The following CC2D1A variants were observed in gnomAD, a reference collection of about 807,000 sequenced individuals.
CC2D1A encodes the protein coiled-coil and C2 domain-containing protein 1A.
CC2D1A carries 68 observed loss-of-function variants against 123.8 expected under a neutral mutation model. The observed-to-expected ratio is 0.55, with a 90% CI of 0.45 to 0.67. CC2D1A has a LOEUF of 0.67. Among genes scored for constraint, CC2D1A ranks in the 30% least tolerant of loss-of-function variants. The probability of loss-of-function intolerance (pLI) is 0.00; values close to 1 mark genes in which losing one functional copy is unlikely to be tolerated. For missense variants in CC2D1A, 1,185 were observed against 1,290.3 expected, an observed-to-expected ratio of 0.92 and a Z score of 1.25; for synonymous variants, 477 against 528.0, an observed-to-expected ratio of 0.90 and a Z score of 1.32.
chr19:13,930,712 C>G lies in CC2D1A; in HGVS notation c.*317C>G, dbSNP rs1446254752. The G allele has an allele frequency of 4.3e-6, 2 of 469,206 alleles. No individual in the cohort carries two copies. The highest frequency in any genetic ancestry group is 4.0e-5 in the South Asian group (1 of 25,132). The allele number at this position is 469,206 out of a possible 1,614,324, so 29.1% of individuals were successfully genotyped here. On this transcript the variant is annotated 3_prime_UTR_variant, in exon 29 of 29. Coordinates refer to ENST00000318003, the MANE Select transcript of CC2D1A (RefSeq NM_017721.5). The surrounding 1 kb of genome is among the most constrained non-coding windows in gnomAD (Gnocchi z 6.8). ...TGGGGCCAAGCCCCGAGGGCCCCTG[C>G]AAGCACTTTACTTCCTGTTCCTCCC...
Position 13,923,306 on chromosome 19 carries a change from C to G in CC2D1A, c.1642-27C>G. The G allele has an allele frequency of 6.3e-7, 1 of 1,590,710 alleles. No individual in the cohort carries two copies. The highest frequency in any genetic ancestry group is 8.5e-7 in the Non-Finnish European group (1 of 1,174,270). ...AGGTGGGCCTGCTTGTCCTCCTTAC[C>G]CCCGCCACCAGCCTCGTCCTCCCCA... is the stretch of plus-strand genomic sequence containing the variant. On this transcript the variant is annotated intron_variant, in intron 14 of 28. Transcript: ENST00000318003. The surrounding 1 kb of genome is among the most constrained non-coding windows in gnomAD (Gnocchi z 5.3).
chr19:13,912,434 T>TGGAG lies in CC2D1A; in HGVS notation c.309_310insGAGG (p.Leu104GlufsTer7). Reference sequence around the variant, plus strand: ...GACGACTTGGAGGCTGATGATGACCTGCTGGTGAGCACTGAGGGCGGGGTG... The same window carrying TGGAG: ...GACGACTTGGAGGCTGATGATGACCTGGAGGCTGGTGAGCACTGAGGGCGGGGTG... On this transcript the variant is annotated frameshift_variant, in exon 3 of 29. Coordinates refer to ENST00000318003, the MANE Select transcript of CC2D1A (RefSeq NM_017721.5). LOFTEE classifies it high-confidence loss of function. 6.2e-7 allele frequency: 1 copy of TGGAG among 1,613,862 alleles called. No homozygotes were observed.
rs1297118576 is a variant in CC2D1A at position 13,925,989 on chromosome 19, C to T, written c.1941-528C>T. Among the ~76,000 whole-genome samples the T allele has an allele frequency of 2.0e-3, 114 of 57,186 alleles. 1 individual carries two copies. The highest frequency in any genetic ancestry group is 8.1e-3 in the African/African-American group (83 of 10,238). The allele number at this position is 57,186 out of a possible 152,430, so 37.5% of individuals were successfully genotyped here. ...GTATATATATGTGTATATATATATA[C>T]ATATATGTGTGTATATATATATATA... is the stretch of plus-strand genomic sequence containing the variant. On this transcript the variant is annotated intron_variant, in intron 17 of 28. Transcript: ENST00000318003.
intron 1 of CC2D1A, among the ~76,000 whole-genome samples, chr19:13,907,177 C>T (rs1294026607): frequency 2.0e-5 from 3 of 152,000 alleles, no homozygotes; most frequent in South Asian, 2.1e-4. Flanking sequence ...GAGATGGAGG[C>T]GGAGGCAGAG....
At chr19:13,921,370 T>G (rs913360037) in intron 14 of CC2D1A, among the ~76,000 whole-genome samples, 1 of 151,676 alleles carries the variant, frequency 6.6e-6, no homozygotes, top group African/African-American at 2.4e-5. Context: ...GTGCACTGTG[T>G]GACCAGCCTG....
intron 2 of CC2D1A, among the ~76,000 whole-genome samples, chr19:13,911,841 G>A (rs1018235464): frequency 2.0e-5 from 3 of 150,038 alleles, no homozygotes; most frequent in Non-Finnish European, 3.0e-5. Context: ...TCAGGCTCCC[G>A]AGTAGCTGGG....
At chr19:13,910,397 G>C (rs547502104) in intron 2 of CC2D1A, among the ~76,000 whole-genome samples, 111 of 121,658 alleles carry the variant, frequency 9.1e-4, no homozygotes, top group African/African-American at 3.5e-3. Flanking sequence ...GACAGAGCAA[G>C]ACTCCGTCTC....
intron 2 of CC2D1A, 139 bp downstream of exon 2, chr19:13,910,097 A>T: frequency 1.2e-6 from 1 of 815,396 alleles, no homozygotes; most frequent in Non-Finnish European, 1.7e-6. Flanking sequence ...TCTGGGTAAG[A>T]GAGTCAAGAT....
At chr19:13,918,407 T>C (rs1971280166) in intron 7 of CC2D1A, 97 bp from the exon 8 acceptor site, 5 of 1,257,694 alleles carry the variant, frequency 4.0e-6, no homozygotes, top group Non-Finnish European at 5.5e-6. Flanking sequence ...GGGAGGGAGC[T>C]AGAAGTCCTC....
At chr19:13,926,067 C>CGTATATATATGTATAT (rs1568419142) in intron 17 of CC2D1A, among the ~76,000 whole-genome samples, 1 of 71,570 alleles carries the variant, frequency 1.4e-5, no homozygotes, top group African/African-American at 1.6e-4. Flanking sequence ...TGTATATATA[C>CGTATATATATGTATAT]ACACACACAC....
At position 13,926,814 on chromosome 19, in the gene CC2D1A, G is replaced by A; in HGVS notation, c.2074-7G>A. The A allele has an allele frequency of 6.2e-7, 1 of 1,614,030 alleles. No homozygotes were observed. Among genetic ancestry groups the A allele is most frequent in the Non-Finnish European group, 8.5e-7 (1 of 1,180,008 alleles). On this transcript the variant is annotated splice_polypyrimidine_tract_variant and splice_region_variant and intron_variant, in intron 19 of 28. Coordinates refer to ENST00000318003, the MANE Select transcript of CC2D1A (RefSeq NM_017721.5). ...CCCTAGATTTCCTGCCTCCTCTCTG[G>A]TCATAGGAAGAAGCTCAGAAAGACA...
Position 13,930,454 on chromosome 19 carries a change from A to G in CC2D1A, c.*59A>G, listed in dbSNP as rs1421501432. The stretch of plus-strand genomic sequence containing the variant: ...GGCAGCAGGCCCCGATACCGGGAAG[A>G]GCCGACACAGCCACGAACCAGACAA... On this transcript the variant is annotated 3_prime_UTR_variant, in exon 29 of 29. Coordinates refer to ENST00000318003, the MANE Select transcript of CC2D1A (RefSeq NM_017721.5). The surrounding 1 kb of genome is among the most constrained non-coding windows in gnomAD (Gnocchi z 6.8). 2.0e-6 allele frequency: 3 copies of G among 1,511,648 alleles called. No homozygotes were observed. Among genetic ancestry groups the G allele is most frequent in the Admixed American group, 2.2e-5 (1 of 46,218 alleles). The allele number at this position is 1,511,648 out of a possible 1,614,324, so 93.6% of individuals were successfully genotyped here.
chr19:13,923,439 T>C lies in CC2D1A; in HGVS notation c.1748T>C (p.Ile583Thr), dbSNP rs374138048. The change falls in exon 15 of 29, where the codon ATA (isoleucine) becomes ACA (threonine). Residue 583 changes from isoleucine (I) to threonine (T), a missense_variant. Ile to Thr is a moderately conservative substitution (Grantham distance 89). Coordinates refer to ENST00000318003, the MANE Select transcript of CC2D1A (RefSeq NM_017721.5). The surrounding 1 kb of genome is among the most constrained non-coding windows in gnomAD (Gnocchi z 5.3). ...CGCTATGGTGAACTCACCAAGCTCATACGGCAGCAGCACGAGGTGAGGGGG... is the reference window on the plus strand; with the variant it reads ...CGCTATGGTGAACTCACCAAGCTCACACGGCAGCAGCACGAGGTGAGGGGG... ...ARRYGELTKL[I>T]RQQHEMCLNH... 57 of 1,613,946 alleles carry C rather than the reference T, an allele frequency of 3.5e-5. No homozygotes were observed. Among genetic ancestry groups the C allele is most frequent in the Non-Finnish European group, 4.6e-5 (54 of 1,180,014 alleles).
chr19:13,909,575 A>C (rs1024182508), intron 1 of CC2D1A: 2 of 555,032 alleles, frequency 3.6e-6, no homozygotes, highest in Non-Finnish European at 6.8e-6. Context: ...GCAGCACATC[A>C]TAAGTGTGGA....
chr19:13,928,283 T>TC (rs1188165859), intron 24 of CC2D1A, 95 bp downstream of exon 24: 1 of 1,063,716 alleles, frequency 9.4e-7, no homozygotes, highest in Non-Finnish European at 1.4e-6. Flanking sequence ...TTGGACCACG[T>TC]CCCTCTCCTG....
chr19:13,930,498 A>T lies in CC2D1A; in HGVS notation c.*103A>T. 2 of 1,347,820 alleles carry T rather than the reference A, an allele frequency of 1.5e-6. No homozygotes were observed. Among genetic ancestry groups the T allele is most frequent in the Non-Finnish European group, 2.0e-6 (2 of 1,003,756 alleles). 83.5% of individuals were successfully genotyped at this position (1,347,820 alleles called of 1,614,324 possible). A position where few individuals can be genotyped will look rare whatever the true frequency, so the allele number is the denominator to read the frequency against. ...CAGACAAGCAGACAATCAGCGGACA[A>T]TCGGTTCTGGACTCACCCCTCATCC... On this transcript the variant is annotated 3_prime_UTR_variant, in exon 29 of 29. Transcript: ENST00000318003. This position sits in a 1 kb window ranked among gnomAD's most constrained non-coding sequence, Gnocchi z 6.8.
Position 13,927,023 on chromosome 19 carries a change from G to C in CC2D1A, c.2171G>C (p.Gly724Ala). 1 of 1,614,100 alleles carries C rather than the reference G, an allele frequency of 6.2e-7. No individual in the cohort carries two copies. The highest frequency in any genetic ancestry group is 8.5e-7 in the Non-Finnish European group (1 of 1,180,026). Residue 724 changes from glycine (G) to alanine (A), a missense_variant, in exon 21 of 29, where the codon GGC becomes GCC. By Grantham distance (60) the Gly-to-Ala change is moderately conservative (BLOSUM62 0). Coordinates refer to ENST00000318003, the MANE Select transcript of CC2D1A (RefSeq NM_017721.5). ...FKLCINRSHR[G>A]FRRAIQTKGI... The stretch of plus-strand genomic sequence containing the variant: ...CTCTGCATCAACCGCAGCCACCGTG[G>C]CTTCCGAAGGGCCATCCAGACCAAG...
At chr19:13,929,494 G>A in intron 25 of CC2D1A, 40 bp from the exon 26 acceptor site, 2 of 1,612,508 alleles carry the variant, frequency 1.2e-6, no homozygotes, top group East Asian at 2.2e-5. Flanking sequence ...GAGTCTGCAG[G>A]CCCAGGCAGG....
chr19:13,912,493 C>T lies in CC2D1A; in HGVS notation c.313-35C>T, dbSNP rs537078043. 13 of 1,614,084 alleles carry T rather than the reference C, an allele frequency of 8.1e-6. 1 individual carries two copies. Among genetic ancestry groups the T allele is most frequent in the African/African-American group, 2.7e-5 (2 of 75,030 alleles). On this transcript the variant is annotated intron_variant, in intron 3 of 28. Transcript: ENST00000318003. ...GATCCGGTTGCCCCCATCCAGCAGG[C>T]CCTTATATCCTGCCCTGGCTGTGTG...
Sources: allele counts gnomAD v4.1 joint callset (sites outside exome capture counted in the v4.1 genomes callset), GRCh38; gene constraint gnomAD v4.1.1; non-coding constraint Gnocchi (gnomAD v3.1); transcripts MANE v1.5; gene names NCBI Gene and HGNC (gene_info 2026-07-23, HGNC 2026-07-21).